The following CAPN7 variants were observed in gnomAD, a reference collection of about 807,000 sequenced individuals.
The protein encoded by CAPN7 is calpain 7, also known as calpain-7.
Under a neutral mutation model 115.2 loss-of-function variants are expected in CAPN7, and 72 were observed. That is an observed-to-expected ratio of 0.63 (90% CI 0.52 to 0.76). The LOEUF (loss-of-function observed/expected upper bound fraction) is 0.76, where lower values mean the gene tolerates loss of function less well. Among genes scored for constraint, CAPN7 ranks in the 30% least tolerant of loss-of-function variants. The pLI, the probability that CAPN7 is intolerant of heterozygous loss-of-function variation, is 0.00. For synonymous variants in CAPN7, 344 were observed against 322.3 expected, an observed-to-expected ratio of 1.07 and a Z score of -0.72; for missense variants, 905 against 971.5, an observed-to-expected ratio of 0.93 and a Z score of 0.91.
chr3:15,241,779 C>G (rs1695365736), intron 15 of CAPN7, among the ~76,000 whole-genome samples, 191 bp downstream of exon 15: 1 of 152,052 alleles, frequency 6.6e-6, no homozygotes. Context: ...AAATCTTGTT[C>G]AAAAGTCATC....
At chr3:15,210,745 G>C in intron 1 of CAPN7, 1 of 1,271,326 alleles carries the variant, frequency 7.9e-7, no homozygotes, top group Non-Finnish European at 1.0e-6. Flanking sequence ...ACTTTGTAGA[G>C]ACAGGGTTTC....
chr3:15,241,365 A>G (rs1695338448), intron 14 of CAPN7, 88 bp from the exon 15 acceptor site: 1 of 1,357,520 alleles, frequency 7.4e-7, no homozygotes, highest in African/African-American at 1.5e-5. Context: ...AAAAACTTGG[A>G]TAGCTTAATT....
At chr3:15,219,215 T>C (rs985713422) in intron 4 of CAPN7, among the ~76,000 whole-genome samples, 1 of 152,222 alleles carries the variant, frequency 6.6e-6, no homozygotes, top group South Asian at 2.1e-4. Context: ...ACATGTAATA[T>C]GTGCTCAGTA....
chr3:15,240,515 CG>C lies in CAPN7; in HGVS notation c.1451del (p.Arg484LeufsTer11), dbSNP rs1559407567. The C allele has an allele frequency of 6.2e-7, 1 of 1,612,124 alleles. No individual in the cohort carries two copies. Among genetic ancestry groups the C allele is most frequent in the East Asian group, 2.2e-5 (1 of 44,810 alleles). ...GTTGAAAAATCCTTGGAGTCATTTACGTTGGAAAGGAAGATACAGTGAAAAT... is the reference window on the plus strand; with the variant it reads ...GTTGAAAAATCCTTGGAGTCATTTACTTGGAAAGGAAGATACAGTGAAAAT... ...IQLKNPWSHL[R>X]WKGRYSENDV... On this transcript the variant is annotated frameshift_variant, in exon 13 of 21. Coordinates refer to ENST00000253693, the MANE Select transcript of CAPN7 (RefSeq NM_014296.3). LOFTEE classifies it high-confidence loss of function.
intron 2 of CAPN7, among the ~76,000 whole-genome samples, chr3:15,216,268 C>T (rs2045242990): frequency 1.3e-5 from 2 of 152,186 alleles, no homozygotes; most frequent in Admixed American, 1.3e-4. Context: ...AGCAGTGTAT[C>T]TGGGTTCCAA....
chr3:15,226,060 T>C (rs935891126), intron 6 of CAPN7, among the ~76,000 whole-genome samples: 5 of 151,442 alleles, frequency 3.3e-5, no homozygotes, highest in Non-Finnish European at 7.4e-5. Flanking sequence ...TGAATAAATA[T>C]TATAATTGTA....
At chr3:15,209,102 G>C (rs2688666) in intron 1 of CAPN7, among the ~76,000 whole-genome samples, 152,279 of 152,294 alleles carry the variant, frequency 1, 76,132 homozygotes, top group Middle Eastern at 1. Flanking sequence ...CCTCCACCTC[G>C]TGGGTTCAAG....
intron 7 of CAPN7, among the ~76,000 whole-genome samples, 160 bp downstream of exon 7, chr3:15,228,125 GATAAT>G (rs781420761): frequency 2.2e-4 from 34 of 152,242 alleles, no homozygotes; most frequent in Non-Finnish European, 4.3e-4. Context: ...AACATACTGA[GATAAT>G]ATAAGTATAA....
rs529746619 is a variant in CAPN7 at position 15,235,623 on chromosome 3, A to G, written c.1407+478A>G. Among the ~76,000 whole-genome samples, 47 of 152,286 alleles carry G rather than the reference A, an allele frequency of 3.1e-4. No homozygotes were observed. In the South Asian group the frequency reaches 9.7e-3, roughly 32 times the overall value. On this transcript the variant is annotated intron_variant, in intron 12 of 20. Coordinates refer to ENST00000253693, the MANE Select transcript of CAPN7 (RefSeq NM_014296.3). ...AGATCATCAGGCATTAGATTCTCAT[A>G]AGGGGAACACAGCTTAGATCTTTTG...
chr3:15,247,556 T>C (rs1187346401), intron 19 of CAPN7, 99 bp downstream of exon 19: 2 of 908,356 alleles, frequency 2.2e-6, no homozygotes, highest in South Asian at 2.2e-5. Context: ...TATATGGACA[T>C]TGGATTTATA....
chr3:15,230,193 A>G (rs550912448), intron 8 of CAPN7, among the ~76,000 whole-genome samples: 1 of 152,344 alleles, frequency 6.6e-6, no homozygotes, highest in South Asian at 2.1e-4. Flanking sequence ...GTAAGTTAAC[A>G]TTGAGCACTT....
At chr3:15,236,654 C>A (rs1019796166) in intron 12 of CAPN7, among the ~76,000 whole-genome samples, 2 of 152,194 alleles carry the variant, frequency 1.3e-5, no homozygotes, top group Admixed American at 6.5e-5. Flanking sequence ...ATGGTACAGC[C>A]TACTATACAC....
chr3:15,214,965 CTAAAAAG>C (rs2045165166), intron 2 of CAPN7, among the ~76,000 whole-genome samples: 1 of 152,204 alleles, frequency 6.6e-6, no homozygotes. Flanking sequence ...AAGGCTGTTG[CTAAAAAG>C]TCTCCCACAA....
Position 15,232,300 on chromosome 3 carries a change from G to T in CAPN7, c.1033-219G>T, listed in dbSNP as rs1171408375. ...ATGACATTTAATCAATTGATTGAAG[G>T]TTATCATCTGACAGATTAGCTTGTA... On this transcript the variant is annotated intron_variant, in intron 9 of 20. Coordinates refer to ENST00000253693, the MANE Select transcript of CAPN7 (RefSeq NM_014296.3). 2.4e-5 allele frequency: 10 copies of T among 424,212 alleles called. No individual in the cohort carries two copies. The Admixed American group carries it at 3.5e-4, about 15-fold the overall frequency. The allele number at this position is 424,212 out of a possible 1,614,324, so 26.3% of individuals were successfully genotyped here. A position where few individuals can be genotyped will look rare whatever the true frequency, so the allele number is the denominator to read the frequency against.
chr3:15,209,364 ATAATT>A (rs2044811622), intron 1 of CAPN7, among the ~76,000 whole-genome samples: 1 of 152,202 alleles, frequency 6.6e-6, no homozygotes, highest in Non-Finnish European at 1.5e-5. Context: ...GGTACATGTG[ATAATT>A]TAATACATTA....
chr3:15,211,949 T>G (rs181541164), intron 1 of CAPN7, among the ~76,000 whole-genome samples, 155 bp from the exon 2 acceptor site: 27 of 152,280 alleles, frequency 1.8e-4, no homozygotes, highest in African/African-American at 5.5e-4. Context: ...ATTGGAAGAT[T>G]GTATAACTAC....
rs11920124 is a variant in CAPN7 at position 15,251,272 on chromosome 3, C to T, written c.*12C>T. On this transcript the variant is annotated 3_prime_UTR_variant, in exon 21 of 21. Transcript: ENST00000253693. ...CACAACTTCAGTGATGGAGAAATCT[C>T]AAGTTACTGGCTTTTATACTTACCA... 7.3e-4 allele frequency: 1,142 copies of T among 1,574,146 alleles called. 7 individuals carry two copies. The African/African-American group carries it at 0.014, about 19-fold the overall frequency.
intron 6 of CAPN7, among the ~76,000 whole-genome samples, chr3:15,224,544 A>G (rs1026888910): frequency 4.6e-5 from 7 of 152,134 alleles, no homozygotes; most frequent in African/African-American, 1.7e-4. Context: ...AAGTGCTGGG[A>G]TTACAGATGT....
chr3:15,249,031 CAG>C (rs1196892362), intron 19 of CAPN7, among the ~76,000 whole-genome samples: 5 of 102,692 alleles, frequency 4.9e-5, no homozygotes, highest in Admixed American at 9.2e-5. Flanking sequence ...AAAACAAAAA[CAG>C]AATACAAATA....
Sources: allele counts gnomAD v4.1 joint callset (sites outside exome capture counted in the v4.1 genomes callset), GRCh38; gene constraint gnomAD v4.1.1; transcripts MANE v1.5; gene names NCBI Gene and HGNC (gene_info 2026-07-23, HGNC 2026-07-21).